The following FARP1 variants were observed in gnomAD, a reference collection of about 807,000 sequenced individuals.
FARP1 encodes the protein FERM, ARHGEF and pleckstrin domain-containing protein 1.
FARP1 carries 52 observed loss-of-function variants against 128.8 expected under a neutral mutation model. The ratio of observed to expected loss-of-function variants is 0.40; its 90% confidence interval spans 0.32 to 0.51. FARP1 has a LOEUF of 0.51. FARP1 is among the 20% of genes least tolerant of loss of function. FARP1 has a pLI of 0.45. For missense variants in FARP1, 1,333 were observed against 1,367.9 expected (o/e 0.97, Z 0.40); for synonymous variants, 580 against 551.8 (o/e 1.05, Z -0.72).
At chr13:98,280,519 C>A (rs1884884069) in intron 2 of FARP1, among the ~76,000 whole-genome samples, 1 of 152,192 alleles carries the variant, frequency 6.6e-6, no homozygotes, top group Non-Finnish European at 1.5e-5. Context: ...TGTCTGTGTC[C>A]CTGTTGAATC....
In FARP1 at chr13:98,450,853, T is replaced by G. The variant is rs747141547; in HGVS notation, c.*2536T>G. ...CTTGGCTAAGATGCCCTTAAAAACA[T>G]TGGGGCTGATTTTGTGCGTCTACAG... On this transcript the variant is annotated 3_prime_UTR_variant, in exon 27 of 27. Coordinates refer to ENST00000319562, the MANE Select transcript of FARP1 (RefSeq NM_005766.4). The G allele has an allele frequency of 6.6e-6, 1 of 152,230 alleles. No individual in the cohort carries two copies. The highest frequency in any genetic ancestry group is 1.5e-5 in the Non-Finnish European group (1 of 68,056). 9.4% of individuals were successfully genotyped at this position (152,230 alleles called of 1,614,324 possible).
At chr13:98,413,098 T>TG (rs1226560761) in intron 16 of FARP1, among the ~76,000 whole-genome samples, 1 of 152,194 alleles carries the variant, frequency 6.6e-6, no homozygotes, top group Non-Finnish European at 1.5e-5. Context: ...GCCAATATGC[T>TG]GGGGCAGCGG....
chr13:98,267,719 G>T (rs1328474665), intron 2 of FARP1, among the ~76,000 whole-genome samples: 1 of 152,238 alleles, frequency 6.6e-6, no homozygotes, highest in Non-Finnish European at 1.5e-5. Flanking sequence ...AGGCGCAGCC[G>T]CGGACCTCAG....
At chr13:98,253,109 G>A (rs796249608) in intron 2 of FARP1, among the ~76,000 whole-genome samples, 24 of 152,272 alleles carry the variant, frequency 1.6e-4, no homozygotes, top group African/African-American at 4.8e-4. Context: ...TTTAGTCTGC[G>A]ACGAAAGCAA....
At chr13:98,308,033 CTTTTTTTTT>C (rs10536692) in intron 2 of FARP1, among the ~76,000 whole-genome samples, 26 of 16,970 alleles carry the variant, frequency 1.5e-3, no homozygotes, top group African/African-American at 3.3e-3. Flanking sequence ...CACTCTCTCT[CTTTTTTTTT>C]TTTTTTTTTT....
At position 98,395,689 on chromosome 13, in the gene FARP1, C is replaced by T. The variant is rs183223452; in HGVS notation, c.1414+213C>T. 1.9e-4 allele frequency: 105 copies of T among 557,286 alleles called. No homozygotes were observed. The East Asian group carries it at 3.1e-3, about 16-fold the overall frequency. 34.5% of individuals were successfully genotyped at this position (557,286 alleles called of 1,614,324 possible). A position where few individuals can be genotyped will look rare whatever the true frequency, so the allele number is the denominator to read the frequency against. Reference sequence around the variant, plus strand: ...GGAGGAGGGGCGAAGAGAGGCTGGGCGTAGGGCTTCCCCGCACTCTGCGAA... The same window carrying T: ...GGAGGAGGGGCGAAGAGAGGCTGGGTGTAGGGCTTCCCCGCACTCTGCGAA... On this transcript the variant is annotated intron_variant, in intron 13 of 26. Transcript: ENST00000319562.
intron 3 of FARP1, among the ~76,000 whole-genome samples, chr13:98,346,851 C>G (rs908334003): frequency 6.6e-6 from 1 of 152,194 alleles, no homozygotes; most frequent in African/African-American, 2.4e-5. Flanking sequence ...TGTGTTCTCT[C>G]TCTTGATCTG....
chr13:98,234,005 T>C (rs1004255685), intron 2 of FARP1: 8 of 152,200 alleles, frequency 5.3e-5, no homozygotes, highest in African/African-American at 1.9e-4. Flanking sequence ...GAGGGTTTCT[T>C]CTCCAATCAG....
chr13:98,387,345 A>G (rs1329195628), intron 8 of FARP1, among the ~76,000 whole-genome samples: 3 of 152,216 alleles, frequency 2.0e-5, no homozygotes, highest in Non-Finnish European at 4.4e-5. Context: ...TACTATCATT[A>G]AATTTCAAAT....
chr13:98,150,374 A>T (rs9584760), intron 1 of FARP1, among the ~76,000 whole-genome samples: 1,656 of 152,278 alleles, frequency 0.011, 38 homozygotes, highest in African/African-American at 0.038. Context: ...TGTTTTATAT[A>T]GCTTTATTTA....
intron 12 of FARP1, among the ~76,000 whole-genome samples, chr13:98,394,194 G>A (rs1890421631): frequency 6.6e-6 from 1 of 152,222 alleles, no homozygotes; most frequent in Admixed American, 6.5e-5. Flanking sequence ...GGCAGTAAGA[G>A]ACATTATCAC....
rs772533408 is a variant in FARP1 at position 98,368,102 on chromosome 13, TTTC to T, written c.320-6_320-4del. 97 of 1,607,628 alleles carry T rather than the reference TTTC, an allele frequency of 6.0e-5. No individual in the cohort carries two copies. Among genetic ancestry groups the T allele is most frequent in the Non-Finnish European group, 7.9e-5 (93 of 1,175,126 alleles). Reference sequence around the variant, plus strand: ...AATCAGTAAATGCTTTACTTCTTTTTTTCTTCTTCTTTAGGGCCAAAGCACGTT... The same window carrying T: ...AATCAGTAAATGCTTTACTTCTTTTTTTCTTCTTTAGGGCCAAAGCACGTT... On this transcript the variant is annotated splice_polypyrimidine_tract_variant and intron_variant, in intron 4 of 26. Transcript: ENST00000319562.
At chr13:98,191,879 G>T (rs1167419805) in intron 1 of FARP1, among the ~76,000 whole-genome samples, 1 of 152,222 alleles carries the variant, frequency 6.6e-6, no homozygotes, top group East Asian at 1.9e-4. Context: ...GGAGGCAGAG[G>T]TGGCAGTGAG....
chr13:98,353,101 C>T (rs1888502276), intron 3 of FARP1, among the ~76,000 whole-genome samples: 1 of 151,988 alleles, frequency 6.6e-6, no homozygotes, highest in African/African-American at 2.4e-5. Context: ...TATTTATTAC[C>T]CAAGGGGATG....
At chr13:98,447,142 C>A in intron 26 of FARP1, 1 of 231,502 alleles carries the variant, frequency 4.3e-6, no homozygotes, top group Non-Finnish European at 8.6e-6. Context: ...GCAGGGACTG[C>A]AGACTTCATT....
chr13:98,390,528 A>C (rs1890266069), intron 10 of FARP1: 1 of 444,598 alleles, frequency 2.2e-6, no homozygotes, highest in African/African-American at 2.0e-5. Context: ...GCCTTCACTA[A>C]AGGCACAGGC....
At chr13:98,219,209 G>T (rs764595021) in intron 2 of FARP1, among the ~76,000 whole-genome samples, 1 of 152,148 alleles carries the variant, frequency 6.6e-6, no homozygotes, top group Non-Finnish European at 1.5e-5. Context: ...GGACGGAGCC[G>T]AAGTTTGTCT....
rs538008345 is a variant in FARP1, at chr13:98,351,458, A to G, written c.276+7592A>G. Among the ~76,000 whole-genome samples the G allele has an allele frequency of 2.6e-4, 40 of 152,134 alleles. No homozygotes were observed. The South Asian group carries it at 8.3e-3, about 32-fold the overall frequency. ...AAACCCCGTCTCTACTAAAAATACG[A>G]AAAATTAGCTGGGCGTGGTGGCAGG... On this transcript the variant is annotated intron_variant, in intron 3 of 26. Coordinates refer to ENST00000319562, the MANE Select transcript of FARP1 (RefSeq NM_005766.4).
intron 1 of FARP1, among the ~76,000 whole-genome samples, chr13:98,151,060 T>C (rs529501581): frequency 2.6e-5 from 4 of 151,630 alleles, no homozygotes; most frequent in African/African-American, 9.6e-5. Flanking sequence ...TCACAGGTCT[T>C]AAACGGTGTG....
Sources: allele counts gnomAD v4.1 joint callset (sites outside exome capture counted in the v4.1 genomes callset), GRCh38; gene constraint gnomAD v4.1.1; transcripts MANE v1.5; gene names NCBI Gene and HGNC (gene_info 2026-07-23, HGNC 2026-07-21).